ZMIZ1: variants seen among roughly 807,000 people sequenced by gnomAD.
ZMIZ1 encodes the protein zinc finger MIZ domain-containing protein 1.
A neutral mutation model predicts 113.9 loss-of-function variants in ZMIZ1; 17 were observed. The observed-to-expected ratio is 0.15, with a 90% CI of 0.10 to 0.22. The LOEUF is 0.22. Among genes scored for constraint, ZMIZ1 ranks in the 10% least tolerant of loss-of-function variants. ZMIZ1 has a pLI of 1.00. For synonymous variants in ZMIZ1, 607 were observed against 603.1 expected, an observed-to-expected ratio of 1.01 and a Z score of -0.09; for missense variants, 1,059 against 1,477.8, an observed-to-expected ratio of 0.72 and a Z score of 4.65.
chr10:79,309,631 C>T (rs1854980448), intron 23 of ZMIZ1, among the ~76,000 whole-genome samples: 1 of 152,204 alleles, frequency 6.6e-6, no homozygotes, highest in African/African-American at 2.4e-5. Flanking sequence ...GTGGGCAGAG[C>T]CCGACCCATA....
At chr10:79,163,541 C>A (rs1846198238) in intron 4 of ZMIZ1, among the ~76,000 whole-genome samples, 1 of 152,240 alleles carries the variant, frequency 6.6e-6, no homozygotes, top group Admixed American at 6.5e-5. Context: ...TACCTTTTTA[C>A]CCCCACAAGA....
chr10:79,207,444 C>G (rs113213268), intron 5 of ZMIZ1, among the ~76,000 whole-genome samples: 4,227 of 152,336 alleles, frequency 0.028, 185 homozygotes, highest in African/African-American at 0.097. Context: ...CAGTACCCAA[C>G]TCAGAGGGCC....
At chr10:79,255,211 CCCAGGTGCCATCTGCCACCCTGTTT>C (rs1299501317) in intron 7 of ZMIZ1, among the ~76,000 whole-genome samples, 1 of 152,238 alleles carries the variant, frequency 6.6e-6, no homozygotes, top group African/African-American at 2.4e-5. Context: ...CACCTGAGTC[CCCAGGTGCCATCTGCCACCCTGTTT>C]CCAGGCGGCA....
At chr10:79,137,264 G>A (rs976584583) in intron 2 of ZMIZ1, among the ~76,000 whole-genome samples, 11 of 152,156 alleles carry the variant, frequency 7.2e-5, no homozygotes, top group East Asian at 1.9e-4. Flanking sequence ...TATGGACAGC[G>A]GTGTTATGTG....
intron 4 of ZMIZ1, among the ~76,000 whole-genome samples, chr10:79,176,375 G>C (rs1406922038): frequency 6.6e-6 from 1 of 152,022 alleles, no homozygotes; most frequent in East Asian, 1.9e-4. Flanking sequence ...GGGTGTCTGC[G>C]TCATGGAGCT....
chr10:79,316,449 A>C lies in ZMIZ1; in HGVS notation c.*3700A>C, dbSNP rs1204266628. On this transcript the variant is annotated 3_prime_UTR_variant, in exon 25 of 25. Coordinates refer to ENST00000334512, the MANE Select transcript of ZMIZ1 (RefSeq NM_020338.4). ...TTTGACTATTGCTAGACATTTCTAT[A>C]CTCTGTTGTAACACTGAGGTATCTC... The C allele has an allele frequency of 6.5e-6, 1 of 152,692 alleles. No individual in the cohort carries two copies. Among genetic ancestry groups the C allele is most frequent in the Admixed American group, 6.5e-5 (1 of 15,278 alleles). The allele number at this position is 152,692 out of a possible 1,614,324, so 9.5% of individuals were successfully genotyped here.
At chr10:79,104,026 C>T (rs1843465867) in intron 1 of ZMIZ1, among the ~76,000 whole-genome samples, 1 of 152,240 alleles carries the variant, frequency 6.6e-6, no homozygotes, top group African/African-American at 2.4e-5. Flanking sequence ...AGTCCTGCCA[C>T]TCCTGTGCCT....
At chr10:79,272,276 A>G (rs562563726) in intron 7 of ZMIZ1, among the ~76,000 whole-genome samples, 1 of 151,990 alleles carries the variant, frequency 6.6e-6, no homozygotes, top group Admixed American at 6.6e-5. Flanking sequence ...ACAGAACAAG[A>G]CTGTCTCAAA....
intron 9 of ZMIZ1, 173 bp from the exon 10 acceptor site, chr10:79,290,786 G>C (rs778541194): frequency 1.3e-6 from 1 of 788,610 alleles, no homozygotes; most frequent in South Asian, 1.5e-5. Flanking sequence ...GCCCAGGCCC[G>C]CTCCTTATCA....
At chr10:79,295,588 C>T (rs976696741) in intron 12 of ZMIZ1, 1 of 152,234 alleles carries the variant, frequency 6.6e-6, no homozygotes, top group South Asian at 2.1e-4. Flanking sequence ...TGGTGGGTGC[C>T]TCACTGTCAC....
At chr10:79,152,258 G>T (rs996382939) in intron 3 of ZMIZ1, among the ~76,000 whole-genome samples, 4 of 152,180 alleles carry the variant, frequency 2.6e-5, no homozygotes, top group Admixed American at 6.5e-5. Context: ...CAGCACTTTG[G>T]GAGGCTGAGG....
intron 3 of ZMIZ1, among the ~76,000 whole-genome samples, chr10:79,156,425 C>G (rs534070337): frequency 6.6e-6 from 1 of 152,198 alleles, no homozygotes. Context: ...TTCCCACGAT[C>G]TCAGCTTGCC....
At chr10:79,300,592 A>G in intron 16 of ZMIZ1, 140 bp from the exon 17 acceptor site, 2 of 1,073,190 alleles carry the variant, frequency 1.9e-6, no homozygotes, top group Non-Finnish European at 2.6e-6. Flanking sequence ...AGGCTGGGGG[A>G]ATCATTGGGG....
intron 3 of ZMIZ1, among the ~76,000 whole-genome samples, chr10:79,153,219 G>A (rs1224351251): frequency 2.6e-5 from 4 of 152,238 alleles, no homozygotes; most frequent in South Asian, 2.1e-4. Flanking sequence ...GCAGATGCTG[G>A]CTCAAACAGG....
At chr10:79,149,312 T>C (rs189577628) in intron 3 of ZMIZ1, among the ~76,000 whole-genome samples, 24 of 152,336 alleles carry the variant, frequency 1.6e-4, no homozygotes, top group African/African-American at 5.3e-4. Flanking sequence ...CTCTCTGGCC[T>C]ATTTGCTTTC....
chr10:79,143,239 C>G (rs1371339297), intron 3 of ZMIZ1, among the ~76,000 whole-genome samples: 1 of 152,150 alleles, frequency 6.6e-6, no homozygotes, highest in Non-Finnish European at 1.5e-5. Flanking sequence ...GAGCCTGAGC[C>G]TGACTTAGAA....
intron 6 of ZMIZ1, among the ~76,000 whole-genome samples, chr10:79,211,733 C>A (rs964583848): frequency 6.6e-6 from 1 of 152,222 alleles, no homozygotes; most frequent in African/African-American, 2.4e-5. Context: ...GCCCCAGGGG[C>A]CGGCACAAGC....
chr10:79,283,608 T>C (rs1051079579), intron 8 of ZMIZ1, among the ~76,000 whole-genome samples: 1 of 152,184 alleles, frequency 6.6e-6, no homozygotes, highest in Non-Finnish European at 1.5e-5. Context: ...GCTCAGTTTA[T>C]GTTAGGGCTT....
At chr10:79,153,124 C>T (rs987173869) in intron 3 of ZMIZ1, among the ~76,000 whole-genome samples, 18 of 152,084 alleles carry the variant, frequency 1.2e-4, no homozygotes, top group Admixed American at 1.0e-3. Context: ...AAGGGGCATC[C>T]TAGGACTTCC....
Sources: allele counts gnomAD v4.1 joint callset (sites outside exome capture counted in the v4.1 genomes callset), GRCh38; gene constraint gnomAD v4.1.1; transcripts MANE v1.5; gene names NCBI Gene and HGNC (gene_info 2026-07-23, HGNC 2026-07-21).